The following WWOX variants were observed in gnomAD, a reference collection of about 807,000 sequenced individuals.
WWOX encodes WW domain containing oxidoreductase, also known as WW domain-containing oxidoreductase.
Under a neutral mutation model 46.2 loss-of-function variants are expected in WWOX, and 69 were observed. That is an observed-to-expected ratio of 1.49 (90% CI 1.23 to 1.82). WWOX has a LOEUF of 1.82. Ranked by LOEUF, WWOX falls within the 40% of genes most tolerant of loss-of-function variation. The pLI is 0.00. For missense variants in WWOX, 919 were observed against 542.6 expected (o/e 1.69, Z -6.89); for synonymous variants, 359 against 202.6 (o/e 1.77, Z -6.56).
At chr16:78,830,203 G>C (rs978431873) in intron 8 of WWOX, among the ~76,000 whole-genome samples, 1 of 152,072 alleles carries the variant, frequency 6.6e-6, no homozygotes, top group Non-Finnish European at 1.5e-5. Flanking sequence ...AGAGGATGAA[G>C]GAAAGAAGCA....
At chr16:78,333,681 C>G (rs1462724916) in intron 5 of WWOX, among the ~76,000 whole-genome samples, 1 of 152,078 alleles carries the variant, frequency 6.6e-6, no homozygotes, top group East Asian at 1.9e-4. Flanking sequence ...AAGCAGGAGG[C>G]ATATATGTTT....
chr16:79,033,599 A>G (rs1347893604), intron 8 of WWOX, among the ~76,000 whole-genome samples: 7 of 152,146 alleles, frequency 4.6e-5, no homozygotes, highest in Non-Finnish European at 1.0e-4. Context: ...TAAAGTGGAC[A>G]GTTGAGTGGC....
chr16:78,734,378 CT>C (rs1295450647), intron 8 of WWOX, among the ~76,000 whole-genome samples: 1 of 152,126 alleles, frequency 6.6e-6, no homozygotes, highest in African/African-American at 2.4e-5. Flanking sequence ...TGTTTGGCCC[CT>C]AACACCTTCC....
chr16:78,115,888 G>A (rs1163316696), intron 4 of WWOX, among the ~76,000 whole-genome samples: 1 of 152,164 alleles, frequency 6.6e-6, no homozygotes, highest in Non-Finnish European at 1.5e-5. Flanking sequence ...CATATGAAAC[G>A]TTGCATTTGG....
intron 8 of WWOX, among the ~76,000 whole-genome samples, chr16:78,455,448 C>G (rs1191472390): frequency 6.6e-6 from 1 of 151,828 alleles, no homozygotes; most frequent in African/African-American, 2.4e-5. Context: ...TGAGACCAGC[C>G]TGGCCAAAAT....
At chr16:78,104,377 A>C (rs538527383) in intron 1 of WWOX, among the ~76,000 whole-genome samples, 29 of 151,570 alleles carry the variant, frequency 1.9e-4, no homozygotes, top group Middle Eastern at 3.4e-3. Context: ...ACACACACAC[A>C]CCCATAGGCT....
intron 8 of WWOX, chr16:79,203,800 T>C (rs548113266): frequency 6.6e-6 from 1 of 152,332 alleles, no homozygotes; most frequent in South Asian, 2.1e-4. Context: ...TGCCTGGCAA[T>C]AATTTCAAAG....
intron 8 of WWOX, among the ~76,000 whole-genome samples, chr16:78,462,730 A>G (rs908193047): frequency 2.0e-5 from 3 of 152,222 alleles, no homozygotes; most frequent in Non-Finnish European, 4.4e-5. Flanking sequence ...AAACTGGCGT[A>G]TGTTATAGTT....
chr16:78,922,391 T>G (rs1185640090), intron 8 of WWOX, among the ~76,000 whole-genome samples: 1 of 151,940 alleles, frequency 6.6e-6, no homozygotes, highest in Non-Finnish European at 1.5e-5. Context: ...TTTTTTTTTT[T>G]TTTTTGAGAC....
chr16:78,651,433 C>A (rs1016265825), intron 8 of WWOX, among the ~76,000 whole-genome samples: 4 of 152,182 alleles, frequency 2.6e-5, no homozygotes, highest in Admixed American at 2.6e-4. Context: ...GAGAACAAGT[C>A]CCCTGGAGGT....
chr16:78,449,994 G>A (rs1369334575), intron 8 of WWOX, among the ~76,000 whole-genome samples: 1 of 151,148 alleles, frequency 6.6e-6, no homozygotes, highest in African/African-American at 2.4e-5. Context: ...AGGATTTGTT[G>A]TTGTTTTGTT....
intron 8 of WWOX, among the ~76,000 whole-genome samples, chr16:78,686,978 C>G (rs2738632): frequency 0.46 from 70,416 of 152,020 alleles, 17,158 homozygotes; most frequent in Admixed American, 0.56. Flanking sequence ...TGGAACATCA[C>G]GATCTATATC....
At chr16:78,212,578 C>G (rs964110990) in intron 5 of WWOX, among the ~76,000 whole-genome samples, 2 of 152,168 alleles carry the variant, frequency 1.3e-5, no homozygotes, top group Non-Finnish European at 2.9e-5. Context: ...CCTAGGTCCC[C>G]TTCATGACAA....
intron 6 of WWOX, among the ~76,000 whole-genome samples, chr16:78,410,852 CA>C (rs1373137770): frequency 6.7e-6 from 1 of 149,620 alleles, no homozygotes; most frequent in Non-Finnish European, 1.5e-5. Context: ...AAGGTCATCT[CA>C]AGTCTTGACT....
chr16:78,929,526 C>G (rs78182874), intron 8 of WWOX, among the ~76,000 whole-genome samples: 3,900 of 152,174 alleles, frequency 0.026, 177 homozygotes, highest in African/African-American at 0.09. Context: ...CGAGTGGGAT[C>G]TGGGATCCGA....
chr16:78,977,763 T>C (rs1260497741), intron 8 of WWOX, among the ~76,000 whole-genome samples: 1 of 152,020 alleles, frequency 6.6e-6, no homozygotes, highest in Admixed American at 6.5e-5. Context: ...AGGACCCCCT[T>C]CCTAGGATCC....
intron 8 of WWOX, among the ~76,000 whole-genome samples, chr16:78,470,499 T>A (rs544478712): frequency 6.6e-6 from 1 of 152,300 alleles, no homozygotes; most frequent in South Asian, 2.1e-4. Flanking sequence ...CCCACTCTTT[T>A]ATTTTCATGT....
rs1567570468 is a variant in WWOX at position 78,432,664 on chromosome 16, C to G, written c.968C>G (p.Pro323Arg). 3 of 1,614,208 alleles carry G rather than the reference C, an allele frequency of 1.9e-6. No homozygotes were observed. Among genetic ancestry groups the G allele is most frequent in the African/African-American group, 1.3e-5 (1 of 75,052 alleles). ...PRGVTSNAVH[P>R]GNMMYSNIHR... Reference sequence around the variant, plus strand: ...GGGGTCACGTCGAACGCAGTGCATCCTGGAAATATGATGTACTCCAACATT... The same window carrying G: ...GGGGTCACGTCGAACGCAGTGCATCGTGGAAATATGATGTACTCCAACATT... The change falls in exon 8 of 9, where the codon CCT becomes CGT. Residue 323 changes from proline to arginine, a missense_variant. Pro to Arg is a moderately radical substitution (Grantham distance 103). Transcript: ENST00000566780.
chr16:78,616,688 C>G (rs899251108), intron 8 of WWOX, among the ~76,000 whole-genome samples: 3 of 151,954 alleles, frequency 2.0e-5, no homozygotes, highest in Admixed American at 2.0e-4. Context: ...ATTGCTTGAA[C>G]CTGGGAGGCA....
Sources: allele counts gnomAD v4.1 joint callset (sites outside exome capture counted in the v4.1 genomes callset), GRCh38; gene constraint gnomAD v4.1.1; transcripts MANE v1.5; gene names NCBI Gene and HGNC (gene_info 2026-07-23, HGNC 2026-07-21).